The following PCNX2 variants were observed in gnomAD, a reference collection of about 807,000 sequenced individuals.
The protein encoded by PCNX2 is pecanex 2.
In PCNX2, 168 loss-of-function variants were observed where a neutral mutation model predicts 223.8. That is an observed-to-expected ratio of 0.75 (90% CI 0.66 to 0.85). The LOEUF is 0.85. Ranked by LOEUF, PCNX2 falls within the 40% of genes least tolerant of loss-of-function variation. The pLI, the probability that PCNX2 is intolerant of heterozygous loss-of-function variation, is 0.00. For synonymous variants in PCNX2, 1,006 were observed against 1,052.6 expected, an observed-to-expected ratio of 0.96 and a Z score of 0.86; for missense variants, 2,507 against 2,675.5, an observed-to-expected ratio of 0.94 and a Z score of 1.39.
intron 21 of PCNX2, among the ~76,000 whole-genome samples, chr1:233,104,252 T>C (rs1674645568): frequency 6.6e-6 from 1 of 152,112 alleles, no homozygotes; most frequent in Admixed American, 6.5e-5. Context: ...ATACAGACTC[T>C]CGGTCTGCCT....
At chr1:233,239,115 C>G (rs1658603300) in intron 8 of PCNX2, among the ~76,000 whole-genome samples, 1 of 152,080 alleles carries the variant, frequency 6.6e-6, no homozygotes, top group Admixed American at 6.5e-5. Context: ...GAGCACATGC[C>G]AGAACTTCAC....
intron 25 of PCNX2, among the ~76,000 whole-genome samples, chr1:233,034,031 G>A (rs1177708358): frequency 1.3e-5 from 2 of 152,098 alleles, no homozygotes; most frequent in African/African-American, 2.4e-5. Context: ...GGCCAACATG[G>A]TGAAACTCCA....
chr1:233,204,739 T>C (rs985054886), intron 13 of PCNX2, among the ~76,000 whole-genome samples: 8 of 152,254 alleles, frequency 5.3e-5, no homozygotes, highest in Admixed American at 2.0e-4. Context: ...ATTCATTCCA[T>C]AGGGATTGCT....
upstream of PCNX2, chr1:233,295,827 G>T: frequency 3.9e-6 from 1 of 253,444 alleles, no homozygotes; most frequent in Non-Finnish European, 7.4e-6. This position sits in a 1 kb window ranked among gnomAD's most constrained non-coding sequence, Gnocchi z 4.1. Context: ...CTGGGGGCCA[G>T]AAGGATTTCT....
At chr1:233,214,966 C>T (rs1000424113) in intron 12 of PCNX2, among the ~76,000 whole-genome samples, 1 of 152,106 alleles carries the variant, frequency 6.6e-6, no homozygotes. Context: ...CTCTTAGAAG[C>T]ACGCAAAAAA....
At chr1:233,057,466 A>G in intron 23 of PCNX2, 176 bp from the exon 24 acceptor site, 1 of 596,144 alleles carries the variant, frequency 1.7e-6, no homozygotes, top group Non-Finnish European at 3.0e-6. Flanking sequence ...GATAAGAGAT[A>G]GAGGGAGCAG....
chr1:233,115,496 C>T (rs566726563), intron 21 of PCNX2, among the ~76,000 whole-genome samples: 1 of 152,212 alleles, frequency 6.6e-6, no homozygotes, highest in African/African-American at 2.4e-5. Flanking sequence ...CATGGCCTAA[C>T]TCTTAGAGTA....
At chr1:233,177,029 T>C (rs572252167) in intron 17 of PCNX2, among the ~76,000 whole-genome samples, 7 of 152,024 alleles carry the variant, frequency 4.6e-5, no homozygotes, top group African/African-American at 1.7e-4. Context: ...AAAAAGATGC[T>C]CTAAAGGGCT....
chr1:233,167,334 TAA>T (rs1309366138), intron 17 of PCNX2, among the ~76,000 whole-genome samples: 51 of 149,668 alleles, frequency 3.4e-4, no homozygotes, highest in African/African-American at 1.2e-3. Context: ...ATGTAGAATC[TAA>T]AGAGAGAGAG....
chr1:233,297,562 G>T (rs1032931459), upstream of PCNX2, among the ~76,000 whole-genome samples: 3 of 152,276 alleles, frequency 2.0e-5, no homozygotes, highest in African/African-American at 7.2e-5. Flanking sequence ...AGCTCTCAAG[G>T]CATGTAAGTG....
intron 22 of PCNX2, among the ~76,000 whole-genome samples, chr1:233,092,027 T>C (rs1322630182): frequency 2.0e-5 from 3 of 152,136 alleles, no homozygotes; most frequent in Non-Finnish European, 4.4e-5. Context: ...CCTAAATACT[T>C]CTGCCACAAA....
intron 10 of PCNX2, among the ~76,000 whole-genome samples, chr1:233,225,276 A>G (rs1167331181): frequency 6.6e-6 from 1 of 152,044 alleles, no homozygotes; most frequent in Non-Finnish European, 1.5e-5. Flanking sequence ...AATAATAATA[A>G]TAATAGGAGC....
Position 232,998,314 on chromosome 1 carries a change from C to G in PCNX2, c.5728G>C (p.Glu1910Gln). 1 of 1,612,756 alleles carries G rather than the reference C, an allele frequency of 6.2e-7. No individual in the cohort carries two copies. Among genetic ancestry groups the G allele is most frequent in the Non-Finnish European group, 8.5e-7 (1 of 1,179,362 alleles). ...PSGGSQESSA[E>Q]QPRKGGAQHG... is the part of the protein sequence containing the mutation. The stretch of plus-strand genomic sequence containing the variant: ...TGAGCACCGCCTTTTCTGGGCTGTT[C>G]TGCGCTGCTCTCCTGGCTGCCACCA... Residue 1910 changes from glutamate (E) to glutamine (Q), a missense_variant, in exon 32 of 34, where the codon GAA (glutamate) becomes CAA (glutamine). Coordinates refer to ENST00000258229, the MANE Select transcript of PCNX2 (RefSeq NM_014801.4).
At chr1:233,286,525 G>T (rs546632153) in intron 1 of PCNX2, among the ~76,000 whole-genome samples, 28 of 152,166 alleles carry the variant, frequency 1.8e-4, no homozygotes, top group Non-Finnish European at 3.4e-4. Context: ...ATGTACGCGA[G>T]AATCTGTATA....
rs765728500 is a variant in PCNX2, at chr1:233,014,657, C to A, written c.4952+8G>T. On this transcript the variant is annotated splice_region_variant and intron_variant, in intron 28 of 33. Coordinates refer to ENST00000258229, the MANE Select transcript of PCNX2 (RefSeq NM_014801.4). ...ACCTAAGAGATTCTAACTTCTCCCC[C>A]CAGGTACCTGATGGCCATATTGTGA... 1.2e-6 allele frequency: 2 copies of A among 1,611,074 alleles called. No individual in the cohort carries two copies. The highest frequency in any genetic ancestry group is 4.5e-5 in the East Asian group (2 of 44,866).
At chr1:233,280,566 G>A (rs1661141073) in intron 1 of PCNX2, among the ~76,000 whole-genome samples, 2 of 152,052 alleles carry the variant, frequency 1.3e-5, no homozygotes, top group Non-Finnish European at 1.5e-5. Context: ...CCAAAGTGTT[G>A]GGATTACAGG....
chr1:233,294,374 T>C (rs1347229798), intron 1 of PCNX2, among the ~76,000 whole-genome samples: 1 of 152,188 alleles, frequency 6.6e-6, no homozygotes, highest in East Asian at 1.9e-4. Flanking sequence ...AAATTTAACC[T>C]AGGCATCATG....
chr1:233,253,635 C>T lies in PCNX2; in HGVS notation c.1835-847G>A, dbSNP rs954733545. On this transcript the variant is annotated intron_variant, in intron 5 of 33. Coordinates refer to ENST00000258229, the MANE Select transcript of PCNX2 (RefSeq NM_014801.4). This position sits in a 1 kb window ranked among gnomAD's most constrained non-coding sequence, Gnocchi z 4.2. ...TACTGGGATTACAGGCATGAGCCAC[C>T]ACACCCGGCCTGCTGATTTTGAACA... is the stretch of plus-strand genomic sequence containing the variant. Among the ~76,000 whole-genome samples, 1 of 152,186 alleles carries T rather than the reference C, an allele frequency of 6.6e-6. No homozygotes were observed. The highest frequency in any genetic ancestry group is 2.4e-5 in the African/African-American group (1 of 41,424).
At chr1:232,995,157 T>C (rs1669834878) in intron 32 of PCNX2, among the ~76,000 whole-genome samples, 1 of 152,134 alleles carries the variant, frequency 6.6e-6, no homozygotes, top group Non-Finnish European at 1.5e-5. Context: ...GCAAGGATGC[T>C]GTGAATACAC....
Sources: allele counts gnomAD v4.1 joint callset (sites outside exome capture counted in the v4.1 genomes callset), GRCh38; gene constraint gnomAD v4.1.1; non-coding constraint Gnocchi (gnomAD v3.1); transcripts MANE v1.5; gene names NCBI Gene and HGNC (gene_info 2026-07-23, HGNC 2026-07-21).